The following MREG variants were observed in gnomAD, a reference collection of about 807,000 sequenced individuals.
MREG encodes melanoregulin.
MREG carries 31 observed loss-of-function variants against 28.5 expected under a neutral mutation model. The ratio of observed to expected loss-of-function variants is 1.09; its 90% CI spans 0.82 to 1.47. MREG has a LOEUF of 1.47. Among genes scored for constraint, MREG ranks in the 40% most tolerant of loss-of-function variants. The probability of loss-of-function intolerance (pLI) is 0.00; values close to 1 mark genes in which losing one functional copy is unlikely to be tolerated. For synonymous variants in MREG, 106 were observed against 95.2 expected (o/e 1.11, Z -0.66); for missense variants, 256 against 257.4 (o/e 0.99, Z 0.04).
At chr2:216,019,557 T>G (rs927552073) in intron 1 of MREG, among the ~76,000 whole-genome samples, 2 of 150,890 alleles carry the variant, frequency 1.3e-5, no homozygotes, top group South Asian at 4.2e-4. Context: ...CAGGCTGGAG[T>G]GCAGTGACGC....
chr2:215,973,878 C>T (rs919866121), intron 2 of MREG, among the ~76,000 whole-genome samples: 2 of 152,212 alleles, frequency 1.3e-5, no homozygotes, highest in Non-Finnish European at 2.9e-5. Context: ...TGCAACTCCA[C>T]AGCCAGGTCT....
At chr2:215,987,871 C>A (rs1265601263) in intron 2 of MREG, among the ~76,000 whole-genome samples, 1 of 151,688 alleles carries the variant, frequency 6.6e-6, no homozygotes, top group South Asian at 2.1e-4. Context: ...CCATTGCACT[C>A]CAGCCTGGGC....
In MREG at chr2:215,975,008, T is replaced by TTATATATATATATA. The variant is rs58937716; in HGVS notation, c.255+21284_255+21297dup. Among the ~76,000 whole-genome samples, 463 of 106,592 alleles carry TTATATATATATATA rather than the reference T, an allele frequency of 4.3e-3. 9 individuals carry two copies. Among genetic ancestry groups the TTATATATATATATA allele is most frequent in the Middle Eastern group, 9.7e-3 (2 of 206 alleles). The allele number at this position is 106,592 out of a possible 152,430, so 69.9% of individuals were successfully genotyped here. On this transcript the variant is annotated intron_variant, in intron 2 of 4. Coordinates refer to ENST00000263268, the MANE Select transcript of MREG (RefSeq NM_018000.3). ...GGGAGAGAATTTTATTTTATATGAA[T>TTATATATATATATA]TATATATATATATATATATGAAATA...
At chr2:216,031,279 C>T (rs190631540) in intron 1 of MREG, among the ~76,000 whole-genome samples, 14 of 151,848 alleles carry the variant, frequency 9.2e-5, no homozygotes, top group Admixed American at 6.6e-4. Flanking sequence ...TGGTGGTGGG[C>T]GCCTGTAAAC....
At chr2:215,963,765 C>T (rs527577169) in intron 2 of MREG, among the ~76,000 whole-genome samples, 33 of 151,142 alleles carry the variant, frequency 2.2e-4, no homozygotes, top group Admixed American at 1.1e-3. Flanking sequence ...GGTGAAGATT[C>T]ATCCCCCTTT....
At chr2:215,968,868 G>A (rs117900571) in intron 2 of MREG, among the ~76,000 whole-genome samples, 2,507 of 152,144 alleles carry the variant, frequency 0.016, 60 homozygotes, top group East Asian at 0.097. Flanking sequence ...CAATCTTCCC[G>A]CCTCAGCCTC....
chr2:216,004,713 AT>A (rs532806884), intron 1 of MREG, among the ~76,000 whole-genome samples: 1 of 151,964 alleles, frequency 6.6e-6, no homozygotes. Flanking sequence ...AGCTCCTAAC[AT>A]TTTTTTTAGC....
chr2:216,015,731 G>A (rs1273824415), upstream of MREG, among the ~76,000 whole-genome samples: 4 of 152,150 alleles, frequency 2.6e-5, no homozygotes, highest in Admixed American at 1.3e-4. Flanking sequence ...GGTAAGGAAC[G>A]GCTGGACTCT....
chr2:216,000,710 T>C (rs1039258706), intron 1 of MREG, among the ~76,000 whole-genome samples: 1 of 152,178 alleles, frequency 6.6e-6, no homozygotes, highest in Non-Finnish European at 1.5e-5. Context: ...AGCAGTTGCC[T>C]TAAAAGTACT....
chr2:216,013,408 C>G lies in MREG; in HGVS notation c.-81G>C, dbSNP rs1344921564. On this transcript the variant is annotated 5_prime_UTR_variant, in exon 1 of 5. Transcript: ENST00000263268. ...GCGATCGAGGCTGGGGCGCGGCCACCGCGCCAGCGTCCAGGTGCGGGGACA... is the reference window on the plus strand; with the variant it reads ...GCGATCGAGGCTGGGGCGCGGCCACGGCGCCAGCGTCCAGGTGCGGGGACA... 2 of 1,041,960 alleles carry G rather than the reference C, an allele frequency of 1.9e-6. No homozygotes were observed. Among genetic ancestry groups the G allele is most frequent in the Non-Finnish European group, 2.5e-6 (2 of 794,948 alleles). 64.5% of individuals were successfully genotyped at this position (1,041,960 alleles called of 1,614,324 possible).
intron 2 of MREG, among the ~76,000 whole-genome samples, chr2:215,951,662 T>A (rs1692490303): frequency 6.6e-6 from 1 of 152,154 alleles, no homozygotes; most frequent in Non-Finnish European, 1.5e-5. Flanking sequence ...TAACTGAAGA[T>A]GTTTATAGCT....
At chr2:216,026,999 G>T (rs1459501574) in intron 1 of MREG, among the ~76,000 whole-genome samples, 1 of 152,134 alleles carries the variant, frequency 6.6e-6, no homozygotes, top group Non-Finnish European at 1.5e-5. Context: ...TACATGTAAA[G>T]AATATTTTCC....
intron 2 of MREG, among the ~76,000 whole-genome samples, chr2:215,987,508 G>A (rs1159885403): frequency 6.6e-6 from 1 of 152,052 alleles, no homozygotes; most frequent in Non-Finnish European, 1.5e-5. Context: ...GCCTCCCAAA[G>A]TGCTGGGATT....
rs182914419 is a variant in MREG at position 215,969,766 on chromosome 2, G to A, written c.256-22653C>T. On this transcript the variant is annotated intron_variant, in intron 2 of 4. Transcript: ENST00000263268. ...CTACTTACAACATGTGCAGAGACCA[G>A]CAGACCCAGGGAGAACTGTCTCCCA... Among the ~76,000 whole-genome samples the A allele has an allele frequency of 7.2e-4, 110 of 152,158 alleles. 1 individual carries two copies. Among genetic ancestry groups the A allele is most frequent in the Admixed American group, 1.0e-3 (16 of 15,280 alleles).
At chr2:216,025,707 G>C (rs1423746267) in intron 1 of MREG, among the ~76,000 whole-genome samples, 3 of 152,208 alleles carry the variant, frequency 2.0e-5, no homozygotes, top group East Asian at 3.9e-4. Context: ...CCCAGAAATG[G>C]GCTGACAGCT....
intron 2 of MREG, among the ~76,000 whole-genome samples, chr2:215,981,242 A>T (rs530646163): frequency 6.6e-6 from 1 of 152,330 alleles, no homozygotes; most frequent in African/African-American, 2.4e-5. Context: ...GAGCCAAAAC[A>T]TAGAAGCAAC....
At chr2:216,001,197 C>T (rs1574644044) in intron 1 of MREG, among the ~76,000 whole-genome samples, 1 of 152,216 alleles carries the variant, frequency 6.6e-6, no homozygotes, top group Non-Finnish European at 1.5e-5. Flanking sequence ...ACCAGCCTCT[C>T]GTCCTTAATC....
chr2:215,996,157 T>C, intron 2 of MREG, 149 bp downstream of exon 2: 1 of 794,598 alleles, frequency 1.3e-6, no homozygotes, highest in Admixed American at 3.4e-5. Context: ...TAGCAACCAG[T>C]GATAATATAT....
At chr2:215,991,591 A>AT (rs1304042923) in intron 2 of MREG, among the ~76,000 whole-genome samples, 1 of 152,220 alleles carries the variant, frequency 6.6e-6, no homozygotes, top group Non-Finnish European at 1.5e-5. Context: ...CAAAAAAAAA[A>AT]AATCAATGAA....
Sources: allele counts gnomAD v4.1 joint callset (sites outside exome capture counted in the v4.1 genomes callset), GRCh38; gene constraint gnomAD v4.1.1; transcripts MANE v1.5; gene names NCBI Gene and HGNC (gene_info 2026-07-23, HGNC 2026-07-21).